OBSL1: variants seen among roughly 807,000 people sequenced by gnomAD.
OBSL1 encodes obscurin like cytoskeletal adaptor 1.
Under a neutral mutation model 172.0 loss-of-function variants are expected in OBSL1, and 160 were observed. The ratio of observed to expected loss-of-function variants is 0.93; its 90% confidence interval spans 0.82 to 1.06. The LOEUF is 1.06. Ranked by LOEUF, OBSL1 falls within the 50% of genes least tolerant of loss-of-function variation. OBSL1 has a pLI of 0.00. For synonymous variants in OBSL1, 1,200 were observed against 1,196.3 expected, an observed-to-expected ratio of 1.00 and a Z score of -0.06; for missense variants, 2,681 against 2,715.4, an observed-to-expected ratio of 0.99 and a Z score of 0.28.
At chr2:219,562,820 A>G (rs1033069416) in intron 7 of OBSL1, 146 bp from the exon 8 acceptor site, 1 of 812,426 alleles carries the variant, frequency 1.2e-6, no homozygotes, top group Non-Finnish European at 1.9e-6. Context: ...GCTGACAGTT[A>G]CTCACAGCTA....
intron 16 of OBSL1, 21 bp downstream of exon 16, chr2:219,553,553 T>C: frequency 6.3e-7 from 1 of 1,580,478 alleles, no homozygotes; most frequent in Non-Finnish European, 8.7e-7. Context: ...GAAGTGGGCT[T>C]GGCTGGGGCT....
intron 15 of OBSL1, 115 bp downstream of exon 15, chr2:219,554,359 C>T: frequency 7.9e-7 from 1 of 1,260,598 alleles, no homozygotes; most frequent in African/African-American, 1.5e-5. Flanking sequence ...CAATGAGGGC[C>T]ACACTGAGAC....
Position 219,571,259 on chromosome 2 carries a change from G to C in OBSL1, c.-27C>G. 8.3e-7 allele frequency: 1 copy of C among 1,204,558 alleles called. No homozygotes were observed. The highest frequency in any genetic ancestry group is 1.1e-6 in the Non-Finnish European group (1 of 947,750). 74.6% of individuals were successfully genotyped at this position (1,204,558 alleles called of 1,614,324 possible). On this transcript the variant is annotated 5_prime_UTR_variant, in exon 1 of 21. Transcript: ENST00000404537. ...GCGGCGGCCGACCGCCTGCAGCGGC[G>C]AACGGTGGGGGGGCAGGGGGGGGTG...
At chr2:219,553,745 G>T in intron 15 of OBSL1, 59 bp from the exon 16 acceptor site, 1 of 1,174,604 alleles carries the variant, frequency 8.5e-7, no homozygotes, top group Non-Finnish European at 1.3e-6. Context: ...CATCTTGCAG[G>T]GACAAGGAGG....
At chr2:219,547,633 C>T (rs921259081), downstream of OBSL1, 24 of 1,515,632 alleles carry the variant, frequency 1.6e-5, no homozygotes, top group African/African-American at 4.2e-5. Context: ...GCGCGGGCAT[C>T]GCTCTGGGCA....
Position 219,568,891 on chromosome 2 carries a change from C to G in OBSL1, c.1013-567G>C, listed in dbSNP as rs1323071047. 1.3e-5 allele frequency among the ~76,000 whole-genome samples: 2 copies of G among 151,808 alleles called. No individual in the cohort carries two copies. The highest frequency in any genetic ancestry group is 3.9e-4 in the East Asian group (2 of 5,166). ...TCTCAAGTAGAGCTGGGATTACAGG[C>G]AGGCGCCACCACGCCTGGCTAATGA... On this transcript the variant is annotated intron_variant, in intron 1 of 20. Coordinates refer to ENST00000404537, the MANE Select transcript of OBSL1 (RefSeq NM_015311.3). This position sits in a 1 kb window ranked among gnomAD's most constrained non-coding sequence, Gnocchi z 4.1.
chr2:219,549,496 A>G (rs1695489015), downstream of OBSL1: 4 of 1,261,396 alleles, frequency 3.2e-6, no homozygotes, highest in Middle Eastern at 2.7e-4. Flanking sequence ...ATCGGAGCCC[A>G]TGCACCAGGG....
In OBSL1 at chr2:219,550,769, G is replaced by T; in HGVS notation, c.*66C>A. On this transcript the variant is annotated 3_prime_UTR_variant, in exon 21 of 21. Transcript: ENST00000404537. ...TATTGTTCCTTGTCTCTCTACCCCT[G>T]CCCAGGGTAAGGGCAAACGCCTTCC... 1 of 1,582,686 alleles carries T rather than the reference G, an allele frequency of 6.3e-7. No homozygotes were observed. Among genetic ancestry groups the T allele is most frequent in the African/African-American group, 1.3e-5 (1 of 74,440 alleles).
In OBSL1 at chr2:219,571,284, G is replaced by T. The variant is rs900300613; in HGVS notation, c.-52C>A. Reference sequence around the variant, plus strand: ...GAACGGTGGGGGGGCAGGGGGGGGTGCGGAGGGCGAGCCGAGGCCCGGGGC... The same window carrying T: ...GAACGGTGGGGGGGCAGGGGGGGGTTCGGAGGGCGAGCCGAGGCCCGGGGC... On this transcript the variant is annotated 5_prime_UTR_variant, in exon 1 of 21. Coordinates refer to ENST00000404537, the MANE Select transcript of OBSL1 (RefSeq NM_015311.3). 3.0e-6 allele frequency: 3 copies of T among 1,002,978 alleles called. No individual in the cohort carries two copies. Among genetic ancestry groups the T allele is most frequent in the Non-Finnish European group, 3.9e-6 (3 of 776,902 alleles). 62.1% of individuals were successfully genotyped at this position (1,002,978 alleles called of 1,614,324 possible). A position where few individuals can be genotyped will look rare whatever the true frequency, so the allele number is the denominator to read the frequency against.
chr2:219,564,475 G>C (rs1369605759), intron 6 of OBSL1, among the ~76,000 whole-genome samples: 1 of 152,246 alleles, frequency 6.6e-6, no homozygotes, highest in African/African-American at 2.4e-5. Flanking sequence ...GAGTTGTGAA[G>C]ATTAAATGAA....
At chr2:219,566,584 C>T (rs754968521) in intron 5 of OBSL1, among the ~76,000 whole-genome samples, 12 of 152,132 alleles carry the variant, frequency 7.9e-5, no homozygotes, top group Non-Finnish European at 1.6e-4. Flanking sequence ...CTGTAAACCA[C>T]AAAGCACTCC....
In OBSL1 at chr2:219,556,188, C is replaced by T. The variant is rs749067992; in HGVS notation, c.4441G>A (p.Val1481Met). The change falls in exon 14 of 21, where the codon GTG (valine) becomes ATG (methionine). Residue 1481 changes from valine (V) to methionine (M), a missense_variant. Val to Met is a conservative substitution (Grantham distance 21). This residue lies in a region of OBSL1 where 1,765 missense variants were observed against 1,748.3 expected (regional missense o/e 1.01). Transcript: ENST00000404537. ...ETGRVGAAGA[V>M]RWVRGGQPLP... ...GGCTGCCCACCTCGCACCCAGCGCA[C>T]GGCCCCCGCTGCACCCACTCGGCCT... The T allele has an allele frequency of 3.2e-5, 52 of 1,612,310 alleles. No individual in the cohort carries two copies. Among genetic ancestry groups the T allele is most frequent in the Non-Finnish European group, 3.9e-5 (46 of 1,179,372 alleles).
At chr2:219,562,067 C>A (rs536453930) in intron 8 of OBSL1, 2 of 707,954 alleles carry the variant, frequency 2.8e-6, no homozygotes, top group South Asian at 1.5e-5. Flanking sequence ...TACCCGTTTG[C>A]GACCCCTGGT....
Position 219,568,431 on chromosome 2 carries a change from G to C in OBSL1, c.1013-107C>G. 9.0e-7 allele frequency: 1 copy of C among 1,112,418 alleles called. No individual in the cohort carries two copies. 68.9% of individuals were successfully genotyped at this position (1,112,418 alleles called of 1,614,324 possible). ...TCATGCTGTGTGCTCTTCATGCAGA[G>C]CCAGCGGGCACTGTGGAATCACAGA... On this transcript the variant is annotated intron_variant, in intron 1 of 20. Transcript: ENST00000404537. The surrounding 1 kb of genome is among the most constrained non-coding windows in gnomAD (Gnocchi z 4.1).
At chr2:219,550,885 G>A (rs1000540037) in intron 20 of OBSL1, 43 bp from the exon 21 acceptor site, 39 of 1,602,948 alleles carry the variant, frequency 2.4e-5, no homozygotes, top group Non-Finnish European at 3.1e-5. Context: ...AGAGAAGGGG[G>A]TACCACCTTC....
rs1287642747 is a variant in OBSL1, at chr2:219,565,446, C to T, written c.2203G>A (p.Val735Met). The change falls in exon 6 of 21, where the codon GTG (valine) becomes ATG (methionine). Residue 735 changes from valine (V) to methionine (M), a missense_variant. By Grantham distance (21) the Val-to-Met change is conservative (BLOSUM62 1). Transcript: ENST00000404537. Reference protein sequence around the residue: ...SLTFTTSERVVLTCELSRVDF... With the variant: ...SLTFTTSERVMLTCELSRVDF... ...ACCCTTGAGAGCTCACAAGTCAGCA[C>T]CACCCGCTCTGAGGTTGTGAAGGTC... 1 of 1,613,566 alleles carries T rather than the reference C, an allele frequency of 6.2e-7. No individual in the cohort carries two copies.
At chr2:219,554,881 G>T in intron 14 of OBSL1, 141 bp from the exon 15 acceptor site, 2 of 936,240 alleles carry the variant, frequency 2.1e-6, no homozygotes, top group South Asian at 1.8e-5. Context: ...GAACCAGGGT[G>T]CAGGAAGAAA....
Position 219,570,327 on chromosome 2 carries a change from G to A in OBSL1, c.906C>T (p.Phe302=), listed in dbSNP as rs1273073041. 1 of 1,612,094 alleles carries A rather than the reference G, an allele frequency of 6.2e-7. No homozygotes were observed. The highest frequency in any genetic ancestry group is 2.2e-5 in the East Asian group (1 of 44,826). ...RLMYRDRDGG[F]VLKVLYCQAK... ...CCTGGCAGTAAAGCACCTTGAGCAC[G>A]AAGCCGCCGTCGCGGTCGCGGTACA... The change falls in exon 1 of 21, where the codon TTC becomes TTT. Residue 302 remains phenylalanine (F), a synonymous_variant. Coordinates refer to ENST00000404537, the MANE Select transcript of OBSL1 (RefSeq NM_015311.3).
At chr2:219,550,080 T>C (rs1427535579), downstream of OBSL1, 2 of 570,626 alleles carry the variant, frequency 3.5e-6, no homozygotes, top group African/African-American at 1.9e-5. Flanking sequence ...TGAACCCCAT[T>C]GGGGTGTGCT....
Sources: allele counts gnomAD v4.1 joint callset (sites outside exome capture counted in the v4.1 genomes callset), GRCh38; gene constraint gnomAD v4.1.1; regional missense constraint gnomAD v4.1.1; non-coding constraint Gnocchi (gnomAD v3.1); transcripts MANE v1.5; gene names NCBI Gene and HGNC (gene_info 2026-07-23, HGNC 2026-07-21).